Variants in SCHIP1 observed in about 807,000 individuals in gnomAD.
SCHIP1 encodes schwannomin interacting protein 1.
Under a neutral mutation model 29.7 loss-of-function variants are expected in SCHIP1, and 8 were observed. The ratio of observed to expected loss-of-function variants is 0.27; its 90% CI spans 0.16 to 0.49. SCHIP1 has a LOEUF of 0.49. SCHIP1 is among the 20% of genes least tolerant of loss of function. The probability of loss-of-function intolerance (pLI) is 0.99; values close to 1 mark genes in which losing one functional copy is unlikely to be tolerated. For synonymous variants in SCHIP1, 76 were observed against 94.9 expected (o/e 0.80, Z 1.16); for missense variants, 193 against 294.6 (o/e 0.66, Z 2.52).
At chr3:159,462,611 C>A in the SCHIP1 span, among the ~76,000 whole-genome samples, 1 of 152,138 alleles carries the variant, frequency 6.6e-6, no homozygotes, top group African/African-American at 2.4e-5. Flanking sequence ...AAGTCTAGCT[C>A]TGATCATGTT....
chr3:159,381,229 G>A, the SCHIP1 span, among the ~76,000 whole-genome samples: 1 of 152,168 alleles, frequency 6.6e-6, no homozygotes, highest in East Asian at 1.9e-4. Context: ...AGTGTACTAA[G>A]AGGGCTGAGA....
chr3:159,469,692 C>T, the SCHIP1 span, among the ~76,000 whole-genome samples: 2 of 152,020 alleles, frequency 1.3e-5, no homozygotes, highest in Admixed American at 6.6e-5. Context: ...CTCCCTCAGA[C>T]CAATCCTGAA....
At chr3:159,435,941 T>C in the SCHIP1 span, among the ~76,000 whole-genome samples, 2 of 152,124 alleles carry the variant, frequency 1.3e-5, no homozygotes, top group African/African-American at 4.8e-5. Context: ...GCAAGAGATA[T>C]AGACAGCCAG....
the SCHIP1 span, among the ~76,000 whole-genome samples, chr3:159,627,112 G>C: frequency 6.6e-6 from 1 of 152,178 alleles, no homozygotes; most frequent in East Asian, 1.9e-4. Context: ...TCCCACTTAT[G>C]CATGAGAACA....
chr3:159,747,618 A>G, the SCHIP1 span, among the ~76,000 whole-genome samples: 2 of 152,072 alleles, frequency 1.3e-5, no homozygotes, highest in African/African-American at 4.8e-5. Context: ...AAGCTCTATT[A>G]GTGATCCTGG....
the SCHIP1 span, among the ~76,000 whole-genome samples, chr3:159,427,209 G>T: frequency 6.6e-6 from 1 of 151,406 alleles, no homozygotes; most frequent in Non-Finnish European, 1.5e-5. Flanking sequence ...GGGCAATTAG[G>T]CAGGAGAAGG....
At chr3:159,557,599 T>C in the SCHIP1 span, among the ~76,000 whole-genome samples, 7 of 152,324 alleles carry the variant, frequency 4.6e-5, no homozygotes, top group African/African-American at 1.4e-4. Context: ...GAGGACTGCT[T>C]GAGCCCAAGA....
At chr3:159,601,071 T>A in the SCHIP1 span, among the ~76,000 whole-genome samples, 1 of 152,170 alleles carries the variant, frequency 6.6e-6, no homozygotes, top group Admixed American at 6.5e-5. Context: ...ACCATACCTG[T>A]CTTTGTGCCC....
chr3:159,682,358 C>T, the SCHIP1 span, among the ~76,000 whole-genome samples: 44 of 152,188 alleles, frequency 2.9e-4, no homozygotes, highest in Admixed American at 2.8e-3. Flanking sequence ...TAAAATGACT[C>T]GAGAAAAGGG....
At chr3:159,721,952 C>A in the SCHIP1 span, 1 of 399,188 alleles carries the variant, frequency 2.5e-6, no homozygotes, top group South Asian at 2.0e-5. Context: ...AAAGGCAGTC[C>A]TCTGTGTTCT....
At chr3:159,568,593 G>A in the SCHIP1 span, among the ~76,000 whole-genome samples, 3 of 151,980 alleles carry the variant, frequency 2.0e-5, no homozygotes, top group African/African-American at 7.2e-5. Context: ...CTTTCTAATG[G>A]ATTGCTGGAA....
the SCHIP1 span, among the ~76,000 whole-genome samples, chr3:159,350,258 G>A: frequency 6.4e-4 from 97 of 152,188 alleles, 1 homozygote; most frequent in African/African-American, 2.2e-3. Context: ...TTAAAAACCC[G>A]GCTCCTTTTG....
chr3:159,435,428 G>A, the SCHIP1 span, among the ~76,000 whole-genome samples: 3 of 152,092 alleles, frequency 2.0e-5, no homozygotes, highest in Admixed American at 6.6e-5. Flanking sequence ...ACAGGGATAA[G>A]CTCTAGCCCT....
the SCHIP1 span, among the ~76,000 whole-genome samples, chr3:159,341,916 T>C: frequency 6.6e-6 from 1 of 152,206 alleles, no homozygotes; most frequent in Non-Finnish European, 1.5e-5. Context: ...AAACACTATG[T>C]CAAGAATTAT....
chr3:159,427,785 C>T, the SCHIP1 span, among the ~76,000 whole-genome samples: 2 of 152,168 alleles, frequency 1.3e-5, no homozygotes, highest in Non-Finnish European at 2.9e-5. Flanking sequence ...CACTACCTGA[C>T]TTCAAACTAT....
At chr3:159,358,920 CTT>C in the SCHIP1 span, among the ~76,000 whole-genome samples, 655 of 96,458 alleles carry the variant, frequency 6.8e-3, 4 homozygotes, top group African/African-American at 0.029. Context: ...TATTAGCATC[CTT>C]TTTTTTTTTT....
chr3:159,331,208 G>T, the SCHIP1 span, among the ~76,000 whole-genome samples: 1 of 152,288 alleles, frequency 6.6e-6, no homozygotes, highest in East Asian at 1.9e-4. Flanking sequence ...CTGATGGGGA[G>T]CTCTGGGAGA....
At chr3:159,345,628 G>T in the SCHIP1 span, among the ~76,000 whole-genome samples, 1 of 150,818 alleles carries the variant, frequency 6.6e-6, no homozygotes, top group Non-Finnish European at 1.5e-5. Context: ...AGGTACCACC[G>T]ATCCTCACTG....
chr3:159,855,601 A>G lies in SCHIP1; in HGVS notation c.31-10562A>G, dbSNP rs371260087. 3.1e-4 allele frequency among the ~76,000 whole-genome samples: 47 copies of G among 152,348 alleles called. 1 individual carries two copies. The South Asian group carries it at 5.8e-3, about 19-fold the overall frequency. Reference sequence around the variant, plus strand: ...AATACAATGTGTGTATGTAAAACATATACACAAATAGATATTTTAGAGAAT... The same window carrying G: ...AATACAATGTGTGTATGTAAAACATGTACACAAATAGATATTTTAGAGAAT... On this transcript the variant is annotated intron_variant, in intron 1 of 6. Coordinates refer to ENST00000445224, the Ensembl canonical transcript of SCHIP1.
Sources: allele counts gnomAD v4.1 joint callset (sites outside exome capture counted in the v4.1 genomes callset), GRCh38; gene constraint gnomAD v4.1.1; transcripts MANE v1.5; gene names NCBI Gene and HGNC (gene_info 2026-07-23, HGNC 2026-07-21).